The following IL7 variants were observed in gnomAD, a reference collection of about 807,000 sequenced individuals.
IL7 encodes interleukin 7.
In IL7, 3 loss-of-function variants were observed where a neutral mutation model predicts 21.6. That is an observed-to-expected ratio of 0.14 (90% CI 0.06 to 0.36). The LOEUF is 0.36. Ranked by LOEUF, IL7 falls within the 10% of genes least tolerant of loss-of-function variation. The pLI is 1.00. For synonymous variants in IL7, 62 were observed against 68.1 expected (o/e 0.91, Z 0.44); for missense variants, 175 against 200.2 (o/e 0.87, Z 0.76).
At chr8:78,676,091 C>T (rs188240956) in exon 5 of IL7, 2 of 328,178 alleles carry the variant, frequency 6.1e-6, no homozygotes, top group Non-Finnish European at 1.1e-5. Flanking sequence ...AGGTATTCCT[C>T]ATTTTACGAG....
intron 2 of IL7, among the ~76,000 whole-genome samples, chr8:78,784,818 T>C (rs1813456299): frequency 6.6e-6 from 1 of 152,166 alleles, no homozygotes; most frequent in Admixed American, 6.5e-5. Flanking sequence ...TTTACTACAG[T>C]GTCTTCACTT....
chr8:78,795,562 A>C (rs1381347481), intron 2 of IL7, among the ~76,000 whole-genome samples: 1 of 152,050 alleles, frequency 6.6e-6, no homozygotes, highest in African/African-American at 2.4e-5. Flanking sequence ...CACCAAAAAA[A>C]TGTGTCATGA....
At chr8:78,743,055 T>C (rs1293863693) in intron 2 of IL7, among the ~76,000 whole-genome samples, 1 of 152,206 alleles carries the variant, frequency 6.6e-6, no homozygotes, top group Non-Finnish European at 1.5e-5. Flanking sequence ...GCAAAGGACA[T>C]GATCTCATTG....
At chr8:78,760,450 C>T (rs1463101846) in intron 2 of IL7, 8 of 1,569,834 alleles carry the variant, frequency 5.1e-6, no homozygotes, top group South Asian at 3.6e-5. Flanking sequence ...AGATGGTGGA[C>T]GGAAGCTCTA....
chr8:78,675,072 T>A (rs1199641441), downstream of IL7, among the ~76,000 whole-genome samples: 1 of 151,434 alleles, frequency 6.6e-6, no homozygotes, highest in Non-Finnish European at 1.5e-5. Context: ...TTTTTTGTAG[T>A]TTCTTTTTTT....
chr8:78,774,651 C>T (rs994562582), intron 2 of IL7, among the ~76,000 whole-genome samples: 6 of 151,982 alleles, frequency 3.9e-5, no homozygotes, highest in Admixed American at 2.6e-4. Context: ...ATACATGTCT[C>T]TGTGGTACAT....
chr8:78,688,792 A>C (rs1810108773), intron 3 of IL7, among the ~76,000 whole-genome samples: 1 of 152,128 alleles, frequency 6.6e-6, no homozygotes, highest in African/African-American at 2.4e-5. Flanking sequence ...CCATTTGATG[A>C]AATAAAAAAT....
At chr8:78,678,016 C>A (rs148209223) in intron 4 of IL7, among the ~76,000 whole-genome samples, 1 of 152,038 alleles carries the variant, frequency 6.6e-6, no homozygotes, top group African/African-American at 2.4e-5. Context: ...ACTGTCATGG[C>A]GCTGGTGGGA....
At chr8:78,712,096 C>T in intron 3 of IL7, 1 of 1,286,020 alleles carries the variant, frequency 7.8e-7, no homozygotes, top group Non-Finnish European at 1.0e-6. Context: ...TGAGTTATTA[C>T]CTATTTACAA....
At chr8:78,683,449 C>T (rs1452466850) in intron 4 of IL7, among the ~76,000 whole-genome samples, 1 of 152,224 alleles carries the variant, frequency 6.6e-6, no homozygotes, top group African/African-American at 2.4e-5. Flanking sequence ...TTTGGGCTTG[C>T]ACCTCTGAAG....
At chr8:78,712,107 G>A (rs975750969) in intron 3 of IL7, 1 of 1,266,208 alleles carries the variant, frequency 7.9e-7, no homozygotes. Context: ...CTATTTACAA[G>A]TAAGTATTTG....
chr8:78,738,742 C>T, intron 3 of IL7, 107 bp from the exon 4 acceptor site: 2 of 900,544 alleles, frequency 2.2e-6, no homozygotes, highest in Non-Finnish European at 3.3e-6. Context: ...GGTAATGCCC[C>T]GCCTCCACCC....
intron 3 of IL7, among the ~76,000 whole-genome samples, chr8:78,701,498 C>A (rs948630831): frequency 1.3e-5 from 2 of 152,228 alleles, no homozygotes; most frequent in African/African-American, 4.8e-5. Flanking sequence ...CTTTCTCTTG[C>A]CTGATTGCAC....
At chr8:78,775,138 G>A (rs1006595437) in intron 2 of IL7, among the ~76,000 whole-genome samples, 1 of 152,026 alleles carries the variant, frequency 6.6e-6, no homozygotes, top group Non-Finnish European at 1.5e-5. Flanking sequence ...GGTACACAAC[G>A]TAGTATTTTA....
chr8:78,746,841 A>T, intron 2 of IL7: 1 of 345,760 alleles, frequency 2.9e-6, no homozygotes, highest in South Asian at 2.3e-5. Flanking sequence ...TTGTCCAAAA[A>T]TAAAGGTGGA....
chr8:78,776,918 T>C (rs767061482), intron 2 of IL7, among the ~76,000 whole-genome samples: 1 of 152,032 alleles, frequency 6.6e-6, no homozygotes, highest in Non-Finnish European at 1.5e-5. Flanking sequence ...TATAAATTAC[T>C]CCCTGGCAGA....
At chr8:78,684,785 G>A (rs12679332) in intron 4 of IL7, among the ~76,000 whole-genome samples, 1 of 151,980 alleles carries the variant, frequency 6.6e-6, no homozygotes, top group East Asian at 1.9e-4. Flanking sequence ...GAAATATTTA[G>A]GAATAAGCTT....
chr8:78,739,845 A>G (rs957661847), intron 3 of IL7, among the ~76,000 whole-genome samples, 157 bp downstream of exon 3: 3 of 152,168 alleles, frequency 2.0e-5, no homozygotes, highest in Non-Finnish European at 2.9e-5. Flanking sequence ...TAAAACAAAA[A>G]TATAAAATTG....
intron 2 of IL7, among the ~76,000 whole-genome samples, chr8:78,771,645 G>A (rs1296563844): frequency 1.3e-5 from 2 of 152,012 alleles, no homozygotes; most frequent in African/African-American, 2.4e-5. Flanking sequence ...AGTTATACAG[G>A]CCATTAAATA....
Sources: allele counts gnomAD v4.1 joint callset (sites outside exome capture counted in the v4.1 genomes callset), GRCh38; gene constraint gnomAD v4.1.1; transcripts MANE v1.5; gene names NCBI Gene and HGNC (gene_info 2026-07-23, HGNC 2026-07-21).